Variants in CTSW observed in about 807,000 individuals in gnomAD.
CTSW encodes the protein lymphopain.
In CTSW, 42 loss-of-function variants were observed where a neutral mutation model predicts 43.8. The observed-to-expected ratio is 0.96, with a 90% CI of 0.75 to 1.24. The LOEUF (loss-of-function observed/expected upper bound fraction) is 1.24, where lower values mean the gene tolerates loss of function less well. Ranked by LOEUF, CTSW falls within the 50% of genes most tolerant of loss-of-function variation. CTSW has a pLI of 0.00. For synonymous variants in CTSW, 191 were observed against 184.8 expected (o/e 1.03, Z -0.27); for missense variants, 475 against 479.9 (o/e 0.99, Z 0.09).
At chr11:65,881,771 C>T (rs1860108204) in intron 3 of CTSW, among the ~76,000 whole-genome samples, 1 of 152,152 alleles carries the variant, frequency 6.6e-6, no homozygotes, top group Admixed American at 6.5e-5. Context: ...GGAGCCCAGC[C>T]TCTCTAGGCT....
At chr11:65,881,641 G>GGTCCTC in intron 3 of CTSW, 121 bp downstream of exon 3, 1 of 661,128 alleles carries the variant, frequency 1.5e-6, no homozygotes, top group Non-Finnish European at 2.6e-6. Flanking sequence ...TCATTTCCCT[G>GGTCCTC]AGGACCAGGG....
intron 2 of CTSW, among the ~76,000 whole-genome samples, chr11:65,880,911 C>G (rs1000583119): frequency 6.6e-6 from 1 of 152,178 alleles, no homozygotes; most frequent in Non-Finnish European, 1.5e-5. Flanking sequence ...CCCAAGGACA[C>G]CCATTTTGTC....
chr11:65,880,427 T>C (rs1254414762), intron 2 of CTSW, 141 bp downstream of exon 2: 1 of 588,934 alleles, frequency 1.7e-6, no homozygotes, highest in Non-Finnish European at 3.0e-6. Flanking sequence ...GTTCAAGCGA[T>C]TCTCCTGCTT....
Position 65,880,305 on chromosome 11 carries a change from A to G in CTSW, c.172+19A>G. The G allele has an allele frequency of 6.3e-7, 1 of 1,592,888 alleles. No individual in the cohort carries two copies. The highest frequency in any genetic ancestry group is 8.6e-7 in the Non-Finnish European group (1 of 1,166,460). ...CCAGAAGGTATCACAGGGCACATAC[A>G]TCTCCAGTCCAAGCCCCCACTTTTT... On this transcript the variant is annotated intron_variant, in intron 2 of 9. Transcript: ENST00000307886.
intron 3 of CTSW, among the ~76,000 whole-genome samples, chr11:65,881,949 A>G (rs1860111303): frequency 2.0e-5 from 3 of 152,114 alleles, no homozygotes; most frequent in Admixed American, 2.0e-4. Context: ...ACGCCCAGCT[A>G]ATTTTTCTAC....
intron 7 of CTSW, 25 bp from the exon 8 acceptor site, chr11:65,883,044 G>T (rs35461885): frequency 0.15 from 239,825 of 1,613,794 alleles, 22,015 homozygotes; most frequent in Admixed American, 0.4. Flanking sequence ...ACATGCCAAG[G>T]GTCTGATGAT....
chr11:65,881,597 G>A (rs568649281), intron 3 of CTSW, 77 bp downstream of exon 3: 86 of 983,982 alleles, frequency 8.7e-5, no homozygotes, highest in African/African-American at 3.5e-4. Flanking sequence ...TGGACCCAGC[G>A]GACCTTCAAT....
In CTSW at chr11:65,883,334, G is replaced by C. The variant is rs1347133321; in HGVS notation, c.930G>C (p.Glu310Asp). The C allele has an allele frequency of 1.9e-6, 3 of 1,614,126 alleles. No homozygotes were observed. Among genetic ancestry groups the C allele is most frequent in the Middle Eastern group, 1.6e-4 (1 of 6,062 alleles). Residue 310 changes from glutamate (E) to aspartate (D), a missense_variant, in exon 9 of 10, where the codon GAG becomes GAC. Glu to Asp is a conservative substitution (Grantham distance 45, BLOSUM62 2). Coordinates refer to ENST00000307886, the MANE Select transcript of CTSW (RefSeq NM_001335.4). The part of the protein sequence containing the change: ...SVKSEEGIWA[E>D]TVSSQSQPQP... ...AGTCAGAGGAGGGGATATGGGCAGA[G>C]ACAGTCTCATCGCAGTCTCAGCCTC...
intron 7 of CTSW, 34 bp downstream of exon 7, chr11:65,882,938 G>C: frequency 3.1e-6 from 5 of 1,613,200 alleles, no homozygotes; most frequent in Non-Finnish European, 4.2e-6. Context: ...GCGGATGGCA[G>C]GGACAGACAC....
Position 65,883,495 on chromosome 11 carries a change from C to T in CTSW, c.1021-13C>T. The T allele has an allele frequency of 6.2e-7, 1 of 1,613,106 alleles. No individual in the cohort carries two copies. Among genetic ancestry groups the T allele is most frequent in the Non-Finnish European group, 8.5e-7 (1 of 1,179,194 alleles). On this transcript the variant is annotated splice_polypyrimidine_tract_variant and intron_variant, in intron 9 of 9. Coordinates refer to ENST00000307886, the MANE Select transcript of CTSW (RefSeq NM_001335.4). ...TTCCCACCTTCCCGCCCCTATGTCCCCTAACCTCCTAGGGCTATTTCCGGC... is the reference window on the plus strand; with the variant it reads ...TTCCCACCTTCCCGCCCCTATGTCCTCTAACCTCCTAGGGCTATTTCCGGC...
intron 2 of CTSW, 61 bp from the exon 3 acceptor site, chr11:65,881,346 C>A: frequency 2.0e-5 from 24 of 1,199,070 alleles, no homozygotes; most frequent in Non-Finnish European, 2.8e-5. Flanking sequence ...GCCCAGCCAG[C>A]GGCTACTTCC....
At position 65,882,699 on chromosome 11, in the gene CTSW, C is replaced by G; in HGVS notation, c.619+10C>G. 1 of 1,613,710 alleles carries G rather than the reference C, an allele frequency of 6.2e-7. No homozygotes were observed. The highest frequency in any genetic ancestry group is 1.1e-5 in the South Asian group (1 of 91,076). The stretch of plus-strand genomic sequence containing the variant: ...ACTGTCCTCAACAACAGTGAGTGCA[C>G]TGCCCCGCCACTCTGGACATCTGCA... On this transcript the variant is annotated intron_variant, in intron 6 of 9. Transcript: ENST00000307886.
rs200117928 is a variant in CTSW at position 65,882,729 on chromosome 11, G to A, written c.619+40G>A. The A allele has an allele frequency of 1.1e-5, 18 of 1,614,190 alleles. No homozygotes were observed. The African/African-American group carries it at 2.0e-4, about 18-fold the overall frequency. Reference sequence around the variant, plus strand: ...CCGCCACTCTGGACATCTGCAGGGGGACAGGGTGGGCAGGAGCGGAACCTC... The same window carrying A: ...CCGCCACTCTGGACATCTGCAGGGGAACAGGGTGGGCAGGAGCGGAACCTC... On this transcript the variant is annotated intron_variant, in intron 6 of 9. Transcript: ENST00000307886.
chr11:65,883,453 A>G, intron 9 of CTSW, 29 bp downstream of exon 9: 2 of 1,613,330 alleles, frequency 1.2e-6, no homozygotes, highest in Admixed American at 1.7e-5. Context: ...GGGAGGGGGC[A>G]AGGCAGAACA....
At position 65,882,509 on chromosome 11, in the gene CTSW, T is replaced by C. The variant is rs752670833; in HGVS notation, c.521T>C (p.Val174Ala). Residue 174 changes from valine to alanine, a missense_variant, in exon 5 of 10, where the codon GTG becomes GCG. By Grantham distance (64) the Val-to-Ala change is moderately conservative. Transcript: ENST00000307886. The stretch of plus-strand genomic sequence containing the variant: ...TGGCGCATCAGTTTCTGGGATTTTG[T>C]GGATGTCTCCGTGCAGGGTAGGGTT... ...TLWRISFWDF[V>A]DVSVQELLDC... 45 of 1,614,084 alleles carry C rather than the reference T, an allele frequency of 2.8e-5. No homozygotes were observed. In the East Asian group the frequency reaches 1.0e-3, roughly 36 times the overall value.
In CTSW at chr11:65,883,038, G is replaced by A. The variant is rs768333339; in HGVS notation, c.746-31G>A. 8.1e-6 allele frequency: 13 copies of A among 1,613,834 alleles called. No individual in the cohort carries two copies. The East Asian group carries it at 2.9e-4, about 36-fold the overall frequency. On this transcript the variant is annotated intron_variant, in intron 7 of 9. Transcript: ENST00000307886. ...GAGCGAGAGACCCACACACCCACATGCCAAGGGTCTGATGATGTTCCTGTC... is the reference window on the plus strand; with the variant it reads ...GAGCGAGAGACCCACACACCCACATACCAAGGGTCTGATGATGTTCCTGTC...
At chr11:65,880,741 T>C (rs921863412) in intron 2 of CTSW, 3 of 180,494 alleles carry the variant, frequency 1.7e-5, no homozygotes, top group African/African-American at 7.2e-5. Flanking sequence ...AAGGCATGAG[T>C]GGGTCCAGGA....
chr11:65,883,016 CGA>C, intron 7 of CTSW, 51 bp from the exon 8 acceptor site: 1 of 1,612,536 alleles, frequency 6.2e-7, no homozygotes, highest in Non-Finnish European at 8.5e-7. Context: ...AGCGAAGGAG[CGA>C]GAGACCCACA....
chr11:65,882,056 C>T (rs1166675572), intron 3 of CTSW, 119 bp from the exon 4 acceptor site: 13 of 1,260,868 alleles, frequency 1.0e-5, no homozygotes, highest in Admixed American at 7.1e-5. Flanking sequence ...CCACCACGCC[C>T]GGCCTATCCT....
Sources: allele counts gnomAD v4.1 joint callset (sites outside exome capture counted in the v4.1 genomes callset), GRCh38; gene constraint gnomAD v4.1.1; transcripts MANE v1.5; gene names NCBI Gene and HGNC (gene_info 2026-07-23, HGNC 2026-07-21).